Variants in PCDHA6 observed in about 807,000 individuals in gnomAD.
The protein encoded by PCDHA6 is protocadherin alpha 6, also known as protocadherin alpha-6.
A neutral mutation model predicts 60.3 loss-of-function variants in PCDHA6; 55 were observed. That is an observed-to-expected ratio of 0.91 (90% CI 0.73 to 1.14). PCDHA6 has a LOEUF of 1.14. Among genes scored for constraint, PCDHA6 ranks in the 50% most tolerant of loss-of-function variants. The pLI is 0.00. For missense variants in PCDHA6, 1,327 were observed against 1,256.5 expected (o/e 1.06, Z -0.85); for synonymous variants, 652 against 557.9 (o/e 1.17, Z -2.38).
intron 1 of PCDHA6, chr5:140,877,885 T>C: frequency 1.4e-6 from 2 of 1,463,874 alleles, no homozygotes; most frequent in Non-Finnish European, 1.8e-6. Flanking sequence ...CTTGAAGAAC[T>C]TCCGTTTAGG....
rs2150413106 is a variant in PCDHA6, at chr5:140,848,576, GA to G, written c.2394+18092del. The G allele has an allele frequency of 8.8e-6, 14 of 1,595,434 alleles. No homozygotes were observed. The Admixed American group carries it at 2.0e-4, about 23-fold the overall frequency. On this transcript the variant is annotated intron_variant, in intron 1 of 3. Transcript: ENST00000529310. Reference sequence around the variant, plus strand: ...TGATCCTCGCAATGTGGGTGGTGGGGAGCGGCCAGCTCCACTACTCCGTCCC... The same window carrying G: ...TGATCCTCGCAATGTGGGTGGTGGGGGCGGCCAGCTCCACTACTCCGTCCC...
intron 1 of PCDHA6, among the ~76,000 whole-genome samples, chr5:140,955,283 A>G (rs1255959484): frequency 6.6e-6 from 1 of 151,774 alleles, no homozygotes; most frequent in African/African-American, 2.4e-5. Context: ...CCATATTGAT[A>G]TGGTTTGGCT....
At chr5:140,898,497 T>G (rs1473036595) in intron 1 of PCDHA6, among the ~76,000 whole-genome samples, 2 of 152,216 alleles carry the variant, frequency 1.3e-5, no homozygotes, top group African/African-American at 4.8e-5. Flanking sequence ...ATCAGATAGT[T>G]GTAGATATGC....
At chr5:140,883,355 A>C (rs763058953) in intron 1 of PCDHA6, 36 of 1,613,958 alleles carry the variant, frequency 2.2e-5, no homozygotes, top group Non-Finnish European at 3.0e-5. Context: ...CAGAGAAGAC[A>C]CTCAGCCTAG....
Position 140,966,719 on chromosome 5 carries a change from G to A in PCDHA6, c.2395-12230G>A, listed in dbSNP as rs373995406. On this transcript the variant is annotated intron_variant, in intron 1 of 3. Coordinates refer to ENST00000529310, the MANE Select transcript of PCDHA6 (RefSeq NM_018909.4). ...CCGGGCGTGGGGCACGGCTGGGGAA[G>A]CTGCCGCCTCCGGCCCTGCCCGGCT... 7.2e-6 allele frequency: 10 copies of A among 1,395,512 alleles called. No individual in the cohort carries two copies. The East Asian group carries it at 1.1e-4, about 16-fold the overall frequency. 86.4% of individuals were successfully genotyped at this position (1,395,512 alleles called of 1,614,324 possible).
In PCDHA6 at chr5:140,848,635, G is replaced by A; in HGVS notation, c.2394+18150G>A. 2.5e-6 allele frequency: 4 copies of A among 1,593,292 alleles called. 1 individual carries two copies. Among genetic ancestry groups the A allele is most frequent in the Admixed American group, 1.7e-5 (1 of 59,228 alleles). On this transcript the variant is annotated intron_variant, in intron 1 of 3. Transcript: ENST00000529310. ...GCCGAACACGGCACCTTCGTGGGCC[G>A]CATCGCGCAGGACCTGGGGCTGGAG...
At position 141,011,014 on chromosome 5, in the gene PCDHA6, C is replaced by T. The variant is rs2098419102; in HGVS notation, c.*1077C>T. On this transcript the variant is annotated 3_prime_UTR_variant, in exon 4 of 4. Coordinates refer to ENST00000529310, the MANE Select transcript of PCDHA6 (RefSeq NM_018909.4). ...CATCTGTATTATATCGGCCACCTGC[C>T]AATCACAGCTTTACTCTTTCAGGTC... 6.5e-6 allele frequency: 1 copy of T among 153,758 alleles called. No individual in the cohort carries two copies. Among genetic ancestry groups the T allele is most frequent in the Admixed American group, 6.5e-5 (1 of 15,286 alleles). 9.5% of individuals were successfully genotyped at this position (153,758 alleles called of 1,614,324 possible).
chr5:140,926,370 A>G (rs1268539055), intron 1 of PCDHA6: 1 of 152,298 alleles, frequency 6.6e-6, no homozygotes, highest in African/African-American at 2.4e-5. Flanking sequence ...GGCGGCAGGA[A>G]GAGCCCAGCT....
intron 1 of PCDHA6, among the ~76,000 whole-genome samples, chr5:140,951,227 G>A (rs181202222): frequency 1.3e-5 from 2 of 152,044 alleles, no homozygotes; most frequent in African/African-American, 2.4e-5. Flanking sequence ...ATTCTTGATG[G>A]TCTTTACCTT....
At chr5:140,831,281 C>G (rs1312764536) in intron 1 of PCDHA6, 1 of 152,158 alleles carries the variant, frequency 6.6e-6, no homozygotes, top group Non-Finnish European at 1.5e-5. Context: ...ATGGTCTTCT[C>G]TTCATGGAGT....
chr5:140,852,648 C>A, intron 1 of PCDHA6: 1 of 958,186 alleles, frequency 1.0e-6, no homozygotes, highest in Non-Finnish European at 1.3e-6. Context: ...TTAAACCTAT[C>A]TATATCTGTC....
chr5:140,981,687 A>ATCAT (rs200213847), intron 2 of PCDHA6, among the ~76,000 whole-genome samples: 1,547 of 152,086 alleles, frequency 0.01, 18 homozygotes, highest in African/African-American at 0.031. Flanking sequence ...CCTCCCTTCC[A>ATCAT]TCATTCATTC....
At chr5:140,908,226 T>A (rs1488573035) in intron 1 of PCDHA6, among the ~76,000 whole-genome samples, 1 of 152,140 alleles carries the variant, frequency 6.6e-6, no homozygotes, top group Non-Finnish European at 1.5e-5. Flanking sequence ...GAACCAGTCC[T>A]TAGTCTTCTC....
chr5:140,886,841 A>G lies in PCDHA6; in HGVS notation c.2394+56356A>G, dbSNP rs11748230. ...GACTTCGTCTTGAAAAAAAAAAAAA[A>G]AAAAAAGAAAGGTCTTCCCAACTCC... is the stretch of plus-strand genomic sequence containing the variant. On this transcript the variant is annotated intron_variant, in intron 1 of 3. Transcript: ENST00000529310. Among the ~76,000 whole-genome samples the G allele has an allele frequency of 9.0e-3, 1,368 of 151,662 alleles. 8 individuals are homozygous for G. Among genetic ancestry groups the G allele is most frequent in the Non-Finnish European group, 0.016 (1,078 of 67,864 alleles).
chr5:140,926,223 TAGA>T, intron 1 of PCDHA6: 1 of 152,200 alleles, frequency 6.6e-6, no homozygotes, highest in Non-Finnish European at 1.5e-5. Flanking sequence ...TCCTTAAGCC[TAGA>T]AGGTGTGGTC....
rs782406571 is a variant in PCDHA6 at position 140,876,145 on chromosome 5, T to C, written c.2394+45660T>C. 1.9e-6 allele frequency: 3 copies of C among 1,613,788 alleles called. No homozygotes were observed. The East Asian group carries it at 6.7e-5, about 36-fold the overall frequency. ...TGGCGGTAAACCAGAACTAACAGGG[T>C]CTGTCCAGATTCAAATAACCGTCCT... On this transcript the variant is annotated intron_variant, in intron 1 of 3. Coordinates refer to ENST00000529310, the MANE Select transcript of PCDHA6 (RefSeq NM_018909.4).
chr5:140,833,430 A>G (rs2150208513), intron 1 of PCDHA6, among the ~76,000 whole-genome samples: 6 of 152,230 alleles, frequency 3.9e-5, no homozygotes, highest in Non-Finnish European at 7.3e-5. Flanking sequence ...GAGATGGCTG[A>G]GCACTGAAAT....
At chr5:140,906,059 G>A (rs1583580035) in intron 1 of PCDHA6, among the ~76,000 whole-genome samples, 1 of 152,158 alleles carries the variant, frequency 6.6e-6, no homozygotes, top group South Asian at 2.1e-4. Flanking sequence ...TGCACTGGCA[G>A]CTGATTAGAT....
chr5:140,892,233 C>G (rs1199614913), intron 1 of PCDHA6, among the ~76,000 whole-genome samples: 1 of 152,082 alleles, frequency 6.6e-6, no homozygotes, highest in Non-Finnish European at 1.5e-5. Context: ...TGTTTTGTCT[C>G]CACATAAACC....
Sources: gnomAD v4.1 joint callset for allele counts (sites outside exome capture counted in the v4.1 genomes callset) on GRCh38, gnomAD v4.1.1 for gene constraint, MANE v1.5 for transcripts, NCBI Gene and HGNC (gene_info 2026-07-23, HGNC 2026-07-21) for gene names.